ADGRG2: variants seen among roughly 807,000 people sequenced by gnomAD.
The protein encoded by ADGRG2 is G protein-coupled receptor 64.
ADGRG2 carries 26 observed loss-of-function variants against 74.1 expected under a neutral mutation model. The observed-to-expected ratio is 0.35, with a 90% CI of 0.26 to 0.49. The LOEUF is 0.49. ADGRG2 is among the 20% of genes least tolerant of loss of function. The pLI is 0.99. For missense variants in ADGRG2, 619 were observed against 763.1 expected (o/e 0.81, Z 2.22); for synonymous variants, 296 against 295.2 (o/e 1.00, Z -0.03).
At chrX:19,091,759 T>C (rs925687465) in intron 1 of ADGRG2, among the ~76,000 whole-genome samples, 15 of 112,305 alleles carry the variant, frequency 1.3e-4, no homozygotes, top group Non-Finnish European at 2.6e-4. Flanking sequence ...TGAATGAGTG[T>C]GGCTGTGTGC....
intron 1 of ADGRG2, among the ~76,000 whole-genome samples, chrX:19,108,461 C>T (rs1185357461): frequency 1.8e-5 from 2 of 111,976 alleles, no homozygotes; most frequent in African/African-American, 3.2e-5. Context: ...ATGTTCACTA[C>T]AAGATAGGCA....
chrX:18,999,330 A>G (rs766419062), intron 25 of ADGRG2, 51 bp from the exon 26 acceptor site: 2 of 987,058 alleles, frequency 2.0e-6, no homozygotes, highest in African/African-American at 3.8e-5. Flanking sequence ...ATAGTAATGA[A>G]CTAGAGTTCA....
chrX:19,036,602 T>C (rs2060945090), intron 6 of ADGRG2, among the ~76,000 whole-genome samples: 1 of 89,673 alleles, frequency 1.1e-5, no homozygotes, highest in African/African-American at 4.0e-5. Context: ...AGGCATTTAT[T>C]ACATCATACT....
chrX:19,072,292 G>C (rs2061667347), intron 2 of ADGRG2, among the ~76,000 whole-genome samples: 2 of 110,838 alleles, frequency 1.8e-5, no homozygotes, highest in Admixed American at 1.9e-4. Context: ...GCAAGTCTAG[G>C]GGATGGGTCA....
chrX:19,065,079 G>C (rs2061544130), intron 3 of ADGRG2, among the ~76,000 whole-genome samples: 4 of 108,103 alleles, frequency 3.7e-5, no homozygotes, highest in African/African-American at 1.4e-4. Flanking sequence ...AGACCACCCT[G>C]GGCAATATAG....
At chrX:19,077,334 TAAAAAAAA>T (rs34976230) in intron 2 of ADGRG2, among the ~76,000 whole-genome samples, 1 of 38,613 alleles carries the variant, frequency 2.6e-5, no homozygotes, top group African/African-American at 1.3e-4. Context: ...CTGTCTCTAC[TAAAAAAAA>T]AAAAAAAAAA....
chrX:19,115,697 C>T (rs1022229338), intron 1 of ADGRG2, among the ~76,000 whole-genome samples: 4 of 111,535 alleles, frequency 3.6e-5, no homozygotes, highest in Non-Finnish European at 7.5e-5. Context: ...TGGCTCCCGC[C>T]TATAATCCCA....
intron 15 of ADGRG2, among the ~76,000 whole-genome samples, chrX:19,017,659 C>T (rs2060495959): frequency 8.9e-6 from 1 of 111,930 alleles, no homozygotes; most frequent in Admixed American, 9.5e-5. Flanking sequence ...TAACCAAAGA[C>T]TTTTACCTGT....
intron 3 of ADGRG2, among the ~76,000 whole-genome samples, chrX:19,043,697 G>A (rs1435154621): frequency 5.6e-5 from 6 of 108,100 alleles, no homozygotes; most frequent in East Asian, 2.9e-4. Flanking sequence ...GGAGCCAGAC[G>A]AACTGGAAAC....
chrX:19,116,483 C>T (rs2062516101), intron 1 of ADGRG2, among the ~76,000 whole-genome samples: 1 of 92,037 alleles, frequency 1.1e-5, no homozygotes, highest in South Asian at 5.6e-4. Flanking sequence ...TGCAGTCCAG[C>T]CTCAGCAACA....
intron 1 of ADGRG2, among the ~76,000 whole-genome samples, chrX:19,119,603 C>T (rs150522026): frequency 4.5e-5 from 5 of 111,384 alleles, no homozygotes; most frequent in African/African-American, 6.5e-5. Context: ...CAGTTTGGAT[C>T]GTGTATTTGA....
At chrX:19,105,769 C>A (rs184671894) in intron 1 of ADGRG2, among the ~76,000 whole-genome samples, 23 of 107,905 alleles carry the variant, frequency 2.1e-4, no homozygotes, top group African/African-American at 7.8e-4. Context: ...CTGAAATACC[C>A]CGTCTCTACT....
At chrX:19,052,807 A>G (rs1441198009) in intron 3 of ADGRG2, among the ~76,000 whole-genome samples, 1 of 109,385 alleles carries the variant, frequency 9.1e-6, no homozygotes, top group Non-Finnish European at 1.9e-5. Flanking sequence ...CTCATGCCTC[A>G]GCCTCCCTAG....
At chrX:19,120,957 C>G (rs2062600147) in intron 1 of ADGRG2, among the ~76,000 whole-genome samples, 1 of 112,341 alleles carries the variant, frequency 8.9e-6, no homozygotes, top group Non-Finnish European at 1.9e-5. Context: ...TAATGCAAAG[C>G]TGTCCTTGGT....
chrX:19,014,136 T>G (rs1027143831), intron 15 of ADGRG2, 62 bp from the exon 16 acceptor site: 3 of 923,507 alleles, frequency 3.2e-6, no homozygotes, highest in African/African-American at 4.0e-5. Context: ...GGGGCAAGTC[T>G]TTCCCCTCTG....
intron 9 of ADGRG2, 74 bp from the exon 10 acceptor site, chrX:19,028,312 A>C: frequency 2.1e-6 from 1 of 470,573 alleles, no homozygotes; most frequent in South Asian, 4.1e-5. Context: ...ACATACAAAA[A>C]GATTATCAAA....
chrX:19,006,360 GT>G (rs972426265), intron 20 of ADGRG2, 95 bp from the exon 21 acceptor site: 15 of 622,071 alleles, frequency 2.4e-5, no homozygotes, highest in Non-Finnish European at 3.3e-5. Context: ...AAAAACTGTG[GT>G]TTTTTTTAAA....
intron 1 of ADGRG2, among the ~76,000 whole-genome samples, chrX:19,105,005 AG>A (rs1268743767): frequency 9.3e-6 from 1 of 107,815 alleles, no homozygotes; most frequent in African/African-American, 3.4e-5. Context: ...AGGCCGAAGT[AG>A]GCAGATTGCT....
At chrX:19,020,558 T>C (rs1254381970) in intron 14 of ADGRG2, among the ~76,000 whole-genome samples, 1 of 111,718 alleles carries the variant, frequency 9.0e-6, no homozygotes, top group Non-Finnish European at 1.9e-5. Context: ...CCACGGCACA[T>C]GTATACCTAT....
Sources: allele counts gnomAD v4.1 joint callset (sites outside exome capture counted in the v4.1 genomes callset), GRCh38; gene constraint gnomAD v4.1.1; transcripts MANE v1.5; gene names NCBI Gene and HGNC (gene_info 2026-07-23, HGNC 2026-07-21).